The following SORBS2 variants were observed in gnomAD, a reference collection of about 807,000 sequenced individuals.
SORBS2 encodes the protein sorbin and SH3 domain-containing protein 2.
In SORBS2, 46 loss-of-function variants were observed where a neutral mutation model predicts 97.7. The observed-to-expected ratio is 0.47, with a 90% CI of 0.37 to 0.60. The LOEUF (loss-of-function observed/expected upper bound fraction) is 0.60, where lower values mean the gene tolerates loss of function less well. Ranked by LOEUF, SORBS2 falls within the 20% of genes least tolerant of loss-of-function variation. The pLI is 0.00. For missense variants in SORBS2, 1,316 were observed against 1,282.3 expected (o/e 1.03, Z -0.40); for synonymous variants, 476 against 473.4 (o/e 1.01, Z -0.07).
chr4:185,809,487 A>T (rs2099170547), intron 1 of SORBS2, among the ~76,000 whole-genome samples: 1 of 139,370 alleles, frequency 7.2e-6, no homozygotes, highest in East Asian at 2.1e-4. Context: ...AAAAAATCTG[A>T]TATAGTATGT....
At chr4:185,883,040 A>G (rs2099237642) in intron 1 of SORBS2, among the ~76,000 whole-genome samples, 1 of 152,140 alleles carries the variant, frequency 6.6e-6, no homozygotes, top group Non-Finnish European at 1.5e-5. Flanking sequence ...CCATAAAAGA[A>G]AAAAATTGAT....
chr4:185,720,834 G>T (rs1216217636), intron 2 of SORBS2, among the ~76,000 whole-genome samples: 3 of 152,130 alleles, frequency 2.0e-5, no homozygotes, highest in African/African-American at 4.8e-5. Context: ...GGCCGTGTGG[G>T]ATGAGCAACC....
chr4:185,716,902 T>C (rs1190243531), intron 2 of SORBS2, among the ~76,000 whole-genome samples: 2 of 152,164 alleles, frequency 1.3e-5, no homozygotes, highest in Admixed American at 6.5e-5. Context: ...AGAAAAGAAG[T>C]GGGAAACAGA....
At chr4:185,950,503 T>C (rs918927965) in intron 1 of SORBS2, among the ~76,000 whole-genome samples, 1 of 152,140 alleles carries the variant, frequency 6.6e-6, no homozygotes, top group Admixed American at 6.5e-5. Flanking sequence ...GGTTGAGGGT[T>C]TGGAGGCAAT....
chr4:185,794,073 T>C (rs2099094077), intron 1 of SORBS2, among the ~76,000 whole-genome samples: 1 of 152,226 alleles, frequency 6.6e-6, no homozygotes, highest in South Asian at 2.1e-4. Context: ...TTACTTTCTT[T>C]TTTAAAAGAA....
intron 2 of SORBS2, among the ~76,000 whole-genome samples, chr4:185,699,889 C>A (rs1323484905): frequency 2.0e-5 from 3 of 152,086 alleles, no homozygotes; most frequent in South Asian, 4.1e-4. Flanking sequence ...TGAAAAAATT[C>A]TTTACATTTC....
intron 2 of SORBS2, chr4:185,771,723 C>T (rs1324875029): frequency 6.6e-6 from 1 of 152,162 alleles, no homozygotes; most frequent in East Asian, 1.9e-4. Context: ...AAATCTATAT[C>T]TATGTATCTC....
chr4:185,928,754 G>T (rs201498721), intron 1 of SORBS2, among the ~76,000 whole-genome samples: 1 of 152,114 alleles, frequency 6.6e-6, no homozygotes, highest in Non-Finnish European at 1.5e-5. Context: ...CACCGTGTTA[G>T]CCAGGATGGT....
intron 2 of SORBS2, among the ~76,000 whole-genome samples, chr4:185,763,632 G>A (rs1399642493): frequency 1.3e-5 from 2 of 152,114 alleles, no homozygotes; most frequent in East Asian, 1.9e-4. Flanking sequence ...CAACACCCAC[G>A]TGCCCCATCC....
intron 1 of SORBS2, among the ~76,000 whole-genome samples, chr4:185,836,856 A>G (rs539905947): frequency 6.6e-6 from 1 of 152,208 alleles, no homozygotes; most frequent in Admixed American, 6.5e-5. Flanking sequence ...CAAAAGGTGC[A>G]TTTTTGCTAA....
intron 1 of SORBS2, among the ~76,000 whole-genome samples, chr4:185,818,276 G>A (rs4861684): frequency 0.24 from 35,840 of 152,030 alleles, 4,383 homozygotes; most frequent in Middle Eastern, 0.31. Context: ...TGCAATCTCC[G>A]CCTCCTGGGT....
chr4:185,725,765 C>T (rs1277173322), intron 2 of SORBS2, among the ~76,000 whole-genome samples: 2 of 152,082 alleles, frequency 1.3e-5, no homozygotes, highest in African/African-American at 4.8e-5. Flanking sequence ...GTCCCTAGTT[C>T]TCCCCCTAAT....
At position 185,735,433 on chromosome 4, in the gene SORBS2, G is replaced by T. The variant is rs116319301; in HGVS notation, c.-198+39794C>A. On this transcript the variant is annotated intron_variant, in intron 2 of 20. Transcript: ENST00000284776. ...TTATTTGCAGATATCTGCAAATTTGGTAGGAAAGCTTTTTTTTCTAAATGG... is the reference window on the plus strand; with the variant it reads ...TTATTTGCAGATATCTGCAAATTTGTTAGGAAAGCTTTTTTTTCTAAATGG... 2.8e-3 allele frequency among the ~76,000 whole-genome samples: 425 copies of T among 149,330 alleles called. 2 individuals are homozygous for T. Among genetic ancestry groups the T allele is most frequent in the Non-Finnish European group, 4.9e-3 (329 of 67,556 alleles).
At chr4:185,706,611 T>C (rs562816613) in intron 2 of SORBS2, among the ~76,000 whole-genome samples, 1 of 152,348 alleles carries the variant, frequency 6.6e-6, no homozygotes, top group South Asian at 2.1e-4. Context: ...GACCTGTGTC[T>C]ATCCAGATGA....
intron 2 of SORBS2, chr4:185,772,074 A>G (rs1251775603): frequency 6.6e-6 from 1 of 152,184 alleles, no homozygotes; most frequent in African/African-American, 2.4e-5. Flanking sequence ...AAAGAAAGGA[A>G]TGTTTTCAGA....
chr4:185,701,343 C>T (rs2098259275), intron 2 of SORBS2, among the ~76,000 whole-genome samples: 2 of 152,176 alleles, frequency 1.3e-5, no homozygotes, highest in Admixed American at 1.3e-4. Context: ...CCAACCTGGG[C>T]CTCTTGTTCG....
intron 1 of SORBS2, among the ~76,000 whole-genome samples, chr4:185,949,937 A>G (rs11132369): frequency 0.17 from 26,358 of 152,112 alleles, 2,935 homozygotes; most frequent in East Asian, 0.59. Context: ...AGTTTTTGCT[A>G]CAACTGGTAA....
intron 2 of SORBS2, among the ~76,000 whole-genome samples, chr4:185,690,106 A>C (rs2098064382): frequency 6.6e-6 from 1 of 152,216 alleles, no homozygotes; most frequent in Admixed American, 6.5e-5. Flanking sequence ...ACACTATGGG[A>C]ATTGTGACTA....
intron 1 of SORBS2, among the ~76,000 whole-genome samples, chr4:185,891,838 C>G (rs2099242698): frequency 6.6e-6 from 1 of 152,046 alleles, no homozygotes; most frequent in Non-Finnish European, 1.5e-5. Context: ...GTTACAATAA[C>G]TTTTTTGTTT....
Sources: allele counts gnomAD v4.1 joint callset (sites outside exome capture counted in the v4.1 genomes callset), GRCh38; gene constraint gnomAD v4.1.1; transcripts MANE v1.5; gene names NCBI Gene and HGNC (gene_info 2026-07-23, HGNC 2026-07-21).